Variants in TEX14 observed in about 807,000 individuals in gnomAD.
TEX14 encodes the protein testis expressed 14, intercellular bridge forming factor.
TEX14 carries 168 observed loss-of-function variants against 178.6 expected under a neutral mutation model. The ratio of observed to expected loss-of-function variants is 0.94; its 90% confidence interval spans 0.83 to 1.07. The LOEUF (loss-of-function observed/expected upper bound fraction) is 1.07, where lower values mean the gene tolerates loss of function less well. Ranked by LOEUF, TEX14 falls within the 50% of genes least tolerant of loss-of-function variation. The pLI, the probability that TEX14 is intolerant of heterozygous loss-of-function variation, is 0.00. For synonymous variants in TEX14, 626 were observed against 634.1 expected (o/e 0.99, Z 0.19); for missense variants, 1,730 against 1,753.6 (o/e 0.99, Z 0.24).
chr17:58,653,845 T>A (rs758200502), intron 1 of TEX14, among the ~76,000 whole-genome samples: 16 of 152,188 alleles, frequency 1.1e-4, no homozygotes, highest in Non-Finnish European at 1.6e-4. Flanking sequence ...CCACTAACCC[T>A]TTACTATAAT....
chr17:58,664,074 A>C (rs1164263380), intron 1 of TEX14, among the ~76,000 whole-genome samples: 2 of 151,996 alleles, frequency 1.3e-5, no homozygotes, highest in Admixed American at 6.6e-5. Context: ...CAAAAACCCA[A>C]CTCCACACTA....
chr17:58,573,375 A>G, intron 22 of TEX14, 67 bp from the exon 23 acceptor site: 1 of 1,501,474 alleles, frequency 6.7e-7, no homozygotes, highest in Non-Finnish European at 9.1e-7. Context: ...TATATTCCTG[A>G]GAGGTACTTT....
At chr17:58,568,319 A>G (rs912930871) in intron 26 of TEX14, among the ~76,000 whole-genome samples, 10 of 152,234 alleles carry the variant, frequency 6.6e-5, no homozygotes, top group African/African-American at 2.4e-4. Flanking sequence ...CATCAGGCCA[A>G]GGGACAGGAG....
chr17:58,660,879 G>C (rs1377496697), intron 1 of TEX14: 1 of 801,344 alleles, frequency 1.2e-6, no homozygotes, highest in Non-Finnish European at 2.3e-6. Context: ...GGTTTCATTG[G>C]AGGCCTCTTC....
chr17:58,618,942 G>T (rs1360944749), intron 5 of TEX14, among the ~76,000 whole-genome samples: 1 of 152,170 alleles, frequency 6.6e-6, no homozygotes, highest in Admixed American at 6.6e-5. Flanking sequence ...CAGCTATATG[G>T]TCACTCTCAC....
intron 1 of TEX14, among the ~76,000 whole-genome samples, chr17:58,658,484 G>T (rs1567762696): frequency 1.3e-5 from 2 of 150,508 alleles, no homozygotes; most frequent in Non-Finnish European, 3.0e-5. Flanking sequence ...CTGCCTCCTG[G>T]GTTCAAGCGA....
Position 58,617,033 on chromosome 17 carries a change from T to C in TEX14, c.636+505A>G, listed in dbSNP as rs146423700. 5.7e-3 allele frequency among the ~76,000 whole-genome samples: 869 copies of C among 152,230 alleles called. 5 individuals are homozygous for C. Among genetic ancestry groups the C allele is most frequent in the African/African-American group, 9.2e-3 (381 of 41,552 alleles). On this transcript the variant is annotated intron_variant, in intron 6 of 31. Coordinates refer to ENST00000349033, the MANE Select transcript of TEX14 (RefSeq NM_031272.5). ...TGAGAGGTCAAGGCGGGTGGACCGA[T>C]TGAGTCCAGAAGATGGAGACCAGCC...
intron 2 of TEX14, among the ~76,000 whole-genome samples, chr17:58,634,001 C>G (rs1051876960): frequency 6.0e-5 from 9 of 149,734 alleles, no homozygotes; most frequent in Non-Finnish European, 1.3e-4. Context: ...AGGAAAGAAG[C>G]CAAAAAGTAG....
At chr17:58,642,267 T>G (rs1348412354) in intron 2 of TEX14, among the ~76,000 whole-genome samples, 1 of 152,196 alleles carries the variant, frequency 6.6e-6, no homozygotes, top group Non-Finnish European at 1.5e-5. Flanking sequence ...CATGGCACAG[T>G]GTTCTAATCA....
intron 15 of TEX14, among the ~76,000 whole-genome samples, chr17:58,589,836 A>G (rs2045081047): frequency 6.6e-6 from 1 of 151,620 alleles, no homozygotes. Flanking sequence ...AGTAGCTGGG[A>G]CCACAGGCAC....
At chr17:58,557,953 T>C in intron 30 of TEX14, 103 bp from the exon 31 acceptor site, 1 of 811,442 alleles carries the variant, frequency 1.2e-6, no homozygotes. Flanking sequence ...AGTAGACTGT[T>C]TTACCTACAA....
intron 2 of TEX14, among the ~76,000 whole-genome samples, chr17:58,649,638 T>G (rs1263692618): frequency 6.6e-6 from 1 of 152,232 alleles, no homozygotes. Flanking sequence ...AATACTCTGA[T>G]GTTCACTAAA....
At chr17:58,573,408 T>G in intron 22 of TEX14, 100 bp from the exon 23 acceptor site, 2 of 1,198,726 alleles carry the variant, frequency 1.7e-6, no homozygotes, top group Admixed American at 4.2e-5. Context: ...TTAACAAAAT[T>G]TGTATGTGGC....
chr17:58,651,722 C>T (rs779054964), intron 2 of TEX14, 144 bp downstream of exon 2: 6 of 737,904 alleles, frequency 8.1e-6, no homozygotes, highest in Non-Finnish European at 1.3e-5. Context: ...CTCTTGACTG[C>T]ACTGCTAGAG....
intron 2 of TEX14, among the ~76,000 whole-genome samples, chr17:58,650,391 T>G (rs907282336): frequency 6.6e-6 from 1 of 152,092 alleles, no homozygotes; most frequent in South Asian, 2.1e-4. Context: ...TTAAAACATA[T>G]GTGGATATGT....
chr17:58,682,238 C>T (rs2047512637), intron 1 of TEX14, among the ~76,000 whole-genome samples: 1 of 151,626 alleles, frequency 6.6e-6, no homozygotes, highest in South Asian at 2.1e-4. Flanking sequence ...CATGGAACCA[C>T]CATGCCCAGG....
At chr17:58,674,767 G>C (rs1055153248) in intron 1 of TEX14, among the ~76,000 whole-genome samples, 2 of 146,038 alleles carry the variant, frequency 1.4e-5, no homozygotes, top group Non-Finnish European at 3.0e-5. Context: ...AAAAGCACAA[G>C]TATAGTATGT....
chr17:58,565,188 G>C (rs920794734), intron 27 of TEX14, among the ~76,000 whole-genome samples: 2 of 152,192 alleles, frequency 1.3e-5, no homozygotes, highest in African/African-American at 4.8e-5. Context: ...TTCAGTGCCA[G>C]GTGAAGCTAC....
chr17:58,611,297 G>C lies in TEX14; in HGVS notation c.1048C>G (p.Leu350Val). 1.9e-6 allele frequency: 3 copies of C among 1,613,586 alleles called. No individual in the cohort carries two copies. Among genetic ancestry groups the C allele is most frequent in the Non-Finnish European group, 2.5e-6 (3 of 1,179,676 alleles). The part of the protein sequence containing the change: ...PVLHMEVIVH[L>V]LLQISDALRY... ...AGGGCATCAGATATCTGGAGCAGCA[G>C]GTGCACAATCACCTCCATGTGCAGC... Residue 350 changes from leucine to valine, a missense_variant, in exon 10 of 32, where the codon CTG (leucine) becomes GTG (valine). Leu to Val is a conservative substitution (Grantham distance 32). This residue lies in a region of TEX14 where 789 missense variants were observed against 681.2 expected (regional missense o/e 1.16). Coordinates refer to ENST00000349033, the MANE Select transcript of TEX14 (RefSeq NM_031272.5).
Sources: allele counts gnomAD v4.1 joint callset (sites outside exome capture counted in the v4.1 genomes callset), GRCh38; gene constraint gnomAD v4.1.1; regional missense constraint gnomAD v4.1.1; transcripts MANE v1.5; gene names NCBI Gene and HGNC (gene_info 2026-07-23, HGNC 2026-07-21).